The following SLC17A7 variants were observed in gnomAD, a reference collection of about 807,000 sequenced individuals.
SLC17A7 encodes vesicular glutamate transporter 1.
SLC17A7 carries 15 observed loss-of-function variants against 59.1 expected under a neutral mutation model. That is an observed-to-expected ratio of 0.25 (90% CI 0.17 to 0.39). The LOEUF (loss-of-function observed/expected upper bound fraction) is 0.39. Among genes scored for constraint, SLC17A7 ranks in the 10% least tolerant of loss-of-function variants. The pLI is 1.00. For synonymous variants in SLC17A7, 353 were observed against 308.9 expected (o/e 1.14, Z -1.50); for missense variants, 499 against 765.1 (o/e 0.65, Z 4.10).
In SLC17A7 at chr19:49,429,909, G is replaced by A. The variant is rs2078951242; in HGVS notation, c.*610C>T. ...GGGAGAAGAGGGTCTTGAGAAATTT[G>A]GTGCTTTCGCAGAATCTGCTGGTAG... On this transcript the variant is annotated 3_prime_UTR_variant, in exon 12 of 12. Coordinates refer to ENST00000221485, the MANE Select transcript of SLC17A7 (RefSeq NM_020309.4). 1.3e-5 allele frequency: 3 copies of A among 234,134 alleles called. No individual in the cohort carries two copies. Among genetic ancestry groups the A allele is most frequent in the East Asian group, 7.7e-5 (1 of 12,912 alleles). 14.5% of individuals were successfully genotyped at this position (234,134 alleles called of 1,614,324 possible).
chr19:49,437,128 C>A (rs986509081), intron 1 of SLC17A7: 1 of 424,846 alleles, frequency 2.4e-6, no homozygotes, highest in Non-Finnish European at 4.3e-6. Flanking sequence ...CCTGTGCCCC[C>A]ACTCCGAGGC....
intron 3 of SLC17A7, 101 bp from the exon 4 acceptor site, chr19:49,434,983 C>CTGGGGT: frequency 8.4e-7 from 1 of 1,194,224 alleles, no homozygotes; most frequent in Non-Finnish European, 1.2e-6. Flanking sequence ...TCCCCGGGAC[C>CTGGGGT]CCAGGTCCCA....
Position 49,433,154 on chromosome 19 carries a change from G to C in SLC17A7, c.868-194C>G. On this transcript the variant is annotated intron_variant, in intron 7 of 11. Coordinates refer to ENST00000221485, the MANE Select transcript of SLC17A7 (RefSeq NM_020309.4). This position sits in a 1 kb window ranked among gnomAD's most constrained non-coding sequence, Gnocchi z 5.7. ...GGATCCTAGCCTCAAGGTGACACTT[G>C]AGTGATGAAGGGGTCCTGGCCCTAT... is the stretch of plus-strand genomic sequence containing the variant. 1.6e-6 allele frequency: 1 copy of C among 622,344 alleles called. No homozygotes were observed. The highest frequency in any genetic ancestry group is 2.0e-5 in the South Asian group (1 of 50,486). 38.6% of individuals were successfully genotyped at this position (622,344 alleles called of 1,614,324 possible).
intron 1 of SLC17A7, among the ~76,000 whole-genome samples, chr19:49,439,095 C>T (rs2078990311): frequency 6.6e-6 from 1 of 152,180 alleles, no homozygotes; most frequent in Non-Finnish European, 1.5e-5. Context: ...CAAACTCAGG[C>T]CTGGGGACTT....
chr19:49,436,289 G>A lies in SLC17A7; in HGVS notation c.315+260C>T. On this transcript the variant is annotated intron_variant, in intron 2 of 11. Transcript: ENST00000221485. This position sits in a 1 kb window ranked among gnomAD's most constrained non-coding sequence, Gnocchi z 4.1. ...GCAACCCCTAGGGAACCTGATGTTG[G>A]GGCGGACTCTACATTTTTCAATCAA... The A allele has an allele frequency of 3.7e-6, 2 of 541,394 alleles. No individual in the cohort carries two copies. The highest frequency in any genetic ancestry group is 6.6e-6 in the Non-Finnish European group (2 of 303,926). 33.5% of individuals were successfully genotyped at this position (541,394 alleles called of 1,614,324 possible). A position where few individuals can be genotyped will look rare whatever the true frequency, so the allele number is the denominator to read the frequency against.
chr19:49,433,128 G>C lies in SLC17A7; in HGVS notation c.868-168C>G. The C allele has an allele frequency of 1.4e-6, 1 of 701,954 alleles. No individual in the cohort carries two copies. The highest frequency in any genetic ancestry group is 2.4e-6 in the Non-Finnish European group (1 of 423,624). 43.5% of individuals were successfully genotyped at this position (701,954 alleles called of 1,614,324 possible). A position where few individuals can be genotyped will look rare whatever the true frequency, so the allele number is the denominator to read the frequency against. On this transcript the variant is annotated intron_variant, in intron 7 of 11. Transcript: ENST00000221485. The surrounding 1 kb of genome is among the most constrained non-coding windows in gnomAD (Gnocchi z 5.7). The stretch of plus-strand genomic sequence containing the variant: ...TACACCATGTTGCCGTGGGGACCCA[G>C]GGATCCTAGCCTCAAGGTGACACTT...
chr19:49,441,186 C>A, intron 1 of SLC17A7, 132 bp downstream of exon 1: 1 of 1,498,986 alleles, frequency 6.7e-7, no homozygotes. Flanking sequence ...GAGCCCACGG[C>A]AGAAAACTGG....
rs2078979126 is a variant in SLC17A7, at chr19:49,436,273, A to C, written c.315+276T>G. 2 of 509,714 alleles carry C rather than the reference A, an allele frequency of 3.9e-6. No individual in the cohort carries two copies. Among genetic ancestry groups the C allele is most frequent in the Non-Finnish European group, 7.1e-6 (2 of 283,206 alleles). 31.6% of individuals were successfully genotyped at this position (509,714 alleles called of 1,614,324 possible). ...CCAAAATGGGGCAGGGGCAACCCCT[A>C]GGGAACCTGATGTTGGGGCGGACTC... On this transcript the variant is annotated intron_variant, in intron 2 of 11. Transcript: ENST00000221485. The surrounding 1 kb of genome is among the most constrained non-coding windows in gnomAD (Gnocchi z 4.1).
intron 11 of SLC17A7, 70 bp from the exon 12 acceptor site, chr19:49,430,882 T>A: frequency 1.3e-6 from 2 of 1,558,072 alleles, no homozygotes; most frequent in Non-Finnish European, 1.7e-6. Flanking sequence ...GGGGGAGGCC[T>A]AGAGGAAGGG....
chr19:49,430,689 C>G lies in SLC17A7; in HGVS notation c.1513G>C (p.Glu505Gln), dbSNP rs376101582. The G allele has an allele frequency of 2.5e-6, 4 of 1,614,042 alleles. No homozygotes were observed. The African/African-American group carries it at 5.3e-5, about 22-fold the overall frequency. ...QPWAEPEEMS[E>Q]EKCGFVGHDQ... ...TGGCCAACGAAGCCACACTTCTCCTCGCTCATCTCCTCAGGCTCTGCCCAC... is the reference window on the plus strand; with the variant it reads ...TGGCCAACGAAGCCACACTTCTCCTGGCTCATCTCCTCAGGCTCTGCCCAC... The change falls in exon 12 of 12, where the codon GAG becomes CAG. Residue 505 changes from glutamate (E) to glutamine (Q), a missense_variant. Physicochemically the swap from Glu to Gln is conservative, Grantham distance 29. Around this residue, in one of 3 missense-constraint regions of SLC17A7, gnomAD observed 98 missense variants for 77.5 expected, o/e 1.27. Coordinates refer to ENST00000221485, the MANE Select transcript of SLC17A7 (RefSeq NM_020309.4).
rs1214941418 is a variant in SLC17A7, at chr19:49,434,858, T to C, written c.459A>G (p.Ala153=). The C allele has an allele frequency of 6.2e-7, 1 of 1,613,976 alleles. No homozygotes were observed. The highest frequency in any genetic ancestry group is 2.2e-5 in the East Asian group (1 of 44,868). The part of the protein sequence containing the change: ...ANRVFGFAIV[A]TSTLNMLIPS... ...GGATCAGCATGTTTAGAGTGGATGT[T>C]GCCACAATAGCAAAGCCGAAAACTC... The change falls in exon 4 of 12, where the codon GCA becomes GCG. Residue 153 remains alanine (A), a synonymous_variant. Coordinates refer to ENST00000221485, the MANE Select transcript of SLC17A7 (RefSeq NM_020309.4).
intron 1 of SLC17A7, among the ~76,000 whole-genome samples, chr19:49,440,820 G>T (rs1053669294): frequency 6.6e-6 from 1 of 151,768 alleles, no homozygotes; most frequent in Non-Finnish European, 1.5e-5. Flanking sequence ...CCAGAAAGAG[G>T]GGGACAGAGA....
Position 49,431,459 on chromosome 19 carries a change from G to C in SLC17A7, c.1151-11C>G. 1.3e-6 allele frequency: 2 copies of C among 1,597,866 alleles called. No individual in the cohort carries two copies. The highest frequency in any genetic ancestry group is 1.7e-6 in the Non-Finnish European group (2 of 1,168,262). On this transcript the variant is annotated splice_polypyrimidine_tract_variant and intron_variant, in intron 9 of 11. Transcript: ENST00000221485. The surrounding 1 kb of genome is among the most constrained non-coding windows in gnomAD (Gnocchi z 4.6). ...CTTCCATGCCGAAGCCTACGGGGGC[G>C]GGGGGGGCCCGCGTCTCCTGAGTGT...
At position 49,434,054 on chromosome 19, in the gene SLC17A7, G is replaced by A. The variant is rs2078971137; in HGVS notation, c.638-8C>T. 1.9e-6 allele frequency: 3 copies of A among 1,594,760 alleles called. No homozygotes were observed. In the African/African-American group the frequency reaches 4.0e-5, roughly 21 times the overall value. On this transcript the variant is annotated splice_polypyrimidine_tract_variant and splice_region_variant and intron_variant, in intron 5 of 11. Transcript: ENST00000221485. ...CCGCCCCAGCATAGGAACCTAAGGG[G>A]GAGGATGCGGGGGAGAGAACAGGCC...
chr19:49,441,454 C>A lies in SLC17A7; in HGVS notation c.-75G>T. On this transcript the variant is annotated 5_prime_UTR_variant, in exon 1 of 12. Coordinates refer to ENST00000221485, the MANE Select transcript of SLC17A7 (RefSeq NM_020309.4). ...CCCCGCCCGCGGGCCCGGGCGGCCG[C>A]GTCCGGGTTCCCGGGGTCCAGCCCC... is the stretch of plus-strand genomic sequence containing the variant. 1 of 1,181,524 alleles carries A rather than the reference C, an allele frequency of 8.5e-7. No individual in the cohort carries two copies. Among genetic ancestry groups the A allele is most frequent in the East Asian group, 4.6e-5 (1 of 21,520 alleles). 73.2% of individuals were successfully genotyped at this position (1,181,524 alleles called of 1,614,324 possible).
chr19:49,433,669 G>A lies in SLC17A7; in HGVS notation c.867+57C>T. On this transcript the variant is annotated intron_variant, in intron 7 of 11. Coordinates refer to ENST00000221485, the MANE Select transcript of SLC17A7 (RefSeq NM_020309.4). The surrounding 1 kb of genome is among the most constrained non-coding windows in gnomAD (Gnocchi z 5.7). ...GAACCGTCCCTGATCTACACGCTGT[G>A]CAGGTTCGTGGCTTGCTATCTCTCC... 1 of 1,610,136 alleles carries A rather than the reference G, an allele frequency of 6.2e-7. No homozygotes were observed. Among genetic ancestry groups the A allele is most frequent in the Non-Finnish European group, 8.5e-7 (1 of 1,176,748 alleles).
At chr19:49,441,218 C>G in intron 1 of SLC17A7, 100 bp downstream of exon 1, 1 of 1,531,404 alleles carries the variant, frequency 6.5e-7, no homozygotes, top group South Asian at 1.2e-5. Context: ...GACCCCCATG[C>G]CGGGGTATCG....
chr19:49,430,686 C>T lies in SLC17A7; in HGVS notation c.1516G>A (p.Glu506Lys), dbSNP rs1407816914. 1 of 1,614,154 alleles carries T rather than the reference C, an allele frequency of 6.2e-7. No individual in the cohort carries two copies. Residue 506 changes from glutamate (E) to lysine (K), a missense_variant, in exon 12 of 12, where the codon GAG becomes AAG. Coordinates refer to ENST00000221485, the MANE Select transcript of SLC17A7 (RefSeq NM_020309.4). ...PWAEPEEMSE[E>K]KCGFVGHDQL... is the part of the protein sequence containing the mutation. ...TCATGGCCAACGAAGCCACACTTCT[C>T]CTCGCTCATCTCCTCAGGCTCTGCC...
At position 49,430,035 on chromosome 19, in the gene SLC17A7, T is replaced by C; in HGVS notation, c.*484A>G. On this transcript the variant is annotated 3_prime_UTR_variant, in exon 12 of 12. Coordinates refer to ENST00000221485, the MANE Select transcript of SLC17A7 (RefSeq NM_020309.4). ...CCCTGGAATGGCGGGGACGAGTAAT[T>C]GGTTAAACCAATCTGGAAGATGCAG... 6.2e-6 allele frequency: 1 copy of C among 162,058 alleles called. No homozygotes were observed. Among genetic ancestry groups the C allele is most frequent in the Middle Eastern group, 2.9e-3 (1 of 340 alleles). The allele number at this position is 162,058 out of a possible 1,614,324, so 10.0% of individuals were successfully genotyped here.
Sources: allele counts gnomAD v4.1 joint callset (sites outside exome capture counted in the v4.1 genomes callset), GRCh38; gene constraint gnomAD v4.1.1; regional missense constraint gnomAD v4.1.1; non-coding constraint Gnocchi (gnomAD v3.1); transcripts MANE v1.5; gene names NCBI Gene and HGNC (gene_info 2026-07-23, HGNC 2026-07-21).